The following EPS15 variants were observed in gnomAD, a reference collection of about 807,000 sequenced individuals.
EPS15 encodes the protein epidermal growth factor receptor substrate 15.
EPS15 carries 72 observed loss-of-function variants against 113.8 expected under a neutral mutation model. That is an observed-to-expected ratio of 0.63 (90% CI 0.52 to 0.77). EPS15 has a LOEUF of 0.77. Ranked by LOEUF, EPS15 falls within the 30% of genes least tolerant of loss-of-function variation. EPS15 has a pLI of 0.00. For missense variants in EPS15, 1,048 were observed against 1,045.8 expected, an observed-to-expected ratio of 1.00 and a Z score of -0.03; for synonymous variants, 344 against 363.4, an observed-to-expected ratio of 0.95 and a Z score of 0.61.
Position 51,475,339 on chromosome 1 carries a change from ATC to A in EPS15, c.76-2393_76-2392del, listed in dbSNP as rs199748271. On this transcript the variant is annotated intron_variant, in intron 2 of 24. Coordinates refer to ENST00000371733, the MANE Select transcript of EPS15 (RefSeq NM_001981.3). ...CCTATTTCTCCACATCCTCTCTAAC[ATC>A]TGTTTCCTGACTTTTTAATGATCGC... Among the ~76,000 whole-genome samples, 1,345 of 146,982 alleles carry A rather than the reference ATC, an allele frequency of 9.2e-3. 22 individuals carry two copies. The highest frequency in any genetic ancestry group is 0.032 in the African/African-American group (1,290 of 40,786).
chr1:51,407,351 C>T (rs1348444237), intron 15 of EPS15, among the ~76,000 whole-genome samples: 2 of 152,246 alleles, frequency 1.3e-5, no homozygotes, highest in East Asian at 3.9e-4. Flanking sequence ...GCAGGTACCA[C>T]CATGCCCAGT....
At chr1:51,486,716 T>C (rs1249850317) in intron 1 of EPS15, among the ~76,000 whole-genome samples, 1 of 152,154 alleles carries the variant, frequency 6.6e-6, no homozygotes, top group African/African-American at 2.4e-5. Flanking sequence ...TTTGCTCTTG[T>C]TACCCAGGCT....
At chr1:51,454,682 A>G (rs1283809657) in intron 8 of EPS15, among the ~76,000 whole-genome samples, 1 of 152,200 alleles carries the variant, frequency 6.6e-6, no homozygotes, top group Non-Finnish European at 1.5e-5. Context: ...CATATACCAG[A>G]GAGACTGAAA....
intron 9 of EPS15, among the ~76,000 whole-genome samples, chr1:51,447,435 G>GA (rs1211824446): frequency 2.3e-4 from 35 of 152,148 alleles, no homozygotes; most frequent in Non-Finnish European, 1.5e-5. Flanking sequence ...AAAATACTCA[G>GA]ATAATTCTCA....
intron 1 of EPS15, among the ~76,000 whole-genome samples, chr1:51,492,095 T>C (rs1259605919): frequency 1.3e-5 from 2 of 152,054 alleles, no homozygotes; most frequent in Admixed American, 6.6e-5. Flanking sequence ...GTGATCCACC[T>C]GCCTCGGCCT....
At position 51,356,160 on chromosome 1, in the gene EPS15, A is replaced by G. The variant is rs1247414858; in HGVS notation, c.*540T>C. On this transcript the variant is annotated 3_prime_UTR_variant, in exon 25 of 25. Transcript: ENST00000371733. ...CCATAGTGGAGTAAATCTGTGCAAAATATTTTTCCTTATCTCTGAAAAACA... is the reference window on the plus strand; with the variant it reads ...CCATAGTGGAGTAAATCTGTGCAAAGTATTTTTCCTTATCTCTGAAAAACA... 4.8e-6 allele frequency: 1 copy of G among 209,720 alleles called. No homozygotes were observed. Among genetic ancestry groups the G allele is most frequent in the East Asian group, 7.2e-5 (1 of 13,858 alleles). 13.0% of individuals were successfully genotyped at this position (209,720 alleles called of 1,614,324 possible). A position where few individuals can be genotyped will look rare whatever the true frequency, so the allele number is the denominator to read the frequency against.
rs554329826 is a variant in EPS15 at position 51,499,708 on chromosome 1, TTTC to T, written c.34-18397_34-18395del. Among the ~76,000 whole-genome samples, 37 of 152,098 alleles carry T rather than the reference TTTC, an allele frequency of 2.4e-4. No individual in the cohort carries two copies. The South Asian group carries it at 5.0e-3, about 21-fold the overall frequency. On this transcript the variant is annotated intron_variant, in intron 1 of 24. Transcript: ENST00000371733. The stretch of plus-strand genomic sequence containing the variant: ...CCTAATGACTAATGATGTTGAAAAT[TTTC>T]TTGTGAACTTACTGGCAATTTGCAT...
At chr1:51,370,998 T>C (rs1646635134) in intron 21 of EPS15, among the ~76,000 whole-genome samples, 1 of 152,020 alleles carries the variant, frequency 6.6e-6, no homozygotes, top group African/African-American at 2.4e-5. Context: ...TCACTGCAAC[T>C]TCCACCTCCC....
chr1:51,445,934 C>T (rs527266010), intron 10 of EPS15, among the ~76,000 whole-genome samples: 56 of 152,352 alleles, frequency 3.7e-4, no homozygotes, highest in Admixed American at 9.1e-4. Flanking sequence ...CCCGTGACAA[C>T]TGCCATTTAT....
chr1:51,423,523 C>G, intron 12 of EPS15: 2 of 985,332 alleles, frequency 2.0e-6, no homozygotes, highest in South Asian at 4.7e-5. Context: ...ATCTAGCACC[C>G]TCCCCCCATC....
chr1:51,443,482 G>A (rs918309349), intron 11 of EPS15, among the ~76,000 whole-genome samples: 4 of 150,898 alleles, frequency 2.7e-5, no homozygotes, highest in Non-Finnish European at 5.9e-5. Context: ...ACATCATAAG[G>A]AATCAAAAAA....
At chr1:51,416,493 G>T (rs1650234178) in intron 13 of EPS15, among the ~76,000 whole-genome samples, 1 of 152,158 alleles carries the variant, frequency 6.6e-6, no homozygotes, top group Admixed American at 6.5e-5. Context: ...AGAAATTAAA[G>T]GATATTTGAG....
chr1:51,432,961 C>A (rs1651853123), intron 12 of EPS15, among the ~76,000 whole-genome samples: 1 of 152,154 alleles, frequency 6.6e-6, no homozygotes, highest in Admixed American at 6.5e-5. Context: ...CAAGTTGGAT[C>A]ATAAGCAAAA....
At chr1:51,359,422 G>A (rs1416033206) in intron 24 of EPS15, among the ~76,000 whole-genome samples, 15 of 132,930 alleles carry the variant, frequency 1.1e-4, no homozygotes, top group African/African-American at 4.0e-4. Flanking sequence ...CCAGCCTGGC[G>A]ACAGAGCAAG....
At chr1:51,437,142 A>G (rs922345188) in intron 12 of EPS15, among the ~76,000 whole-genome samples, 1 of 152,176 alleles carries the variant, frequency 6.6e-6, no homozygotes, top group Non-Finnish European at 1.5e-5. Context: ...CCAATGTCTT[A>G]TATTTTCTAC....
chr1:51,471,882 A>C lies in EPS15; in HGVS notation c.166-145T>G, dbSNP rs912042572. The C allele has an allele frequency of 1.3e-5, 9 of 692,280 alleles. No individual in the cohort carries two copies. The Admixed American group carries it at 1.4e-4, about 11-fold the overall frequency. 42.9% of individuals were successfully genotyped at this position (692,280 alleles called of 1,614,324 possible). On this transcript the variant is annotated intron_variant, in intron 3 of 24. Coordinates refer to ENST00000371733, the MANE Select transcript of EPS15 (RefSeq NM_001981.3). ...GAATTAAGAGTGGAAAGAACCCTTA[A>C]AGATCATTTAGTGCAAACTTGTCCA...
chr1:51,387,793 A>C (rs926419350), intron 21 of EPS15, among the ~76,000 whole-genome samples: 1 of 152,230 alleles, frequency 6.6e-6, no homozygotes, highest in African/African-American at 2.4e-5. Context: ...ATATGCACCC[A>C]ATACAGGAGC....
At chr1:51,446,757 T>C (rs1241898643) in intron 10 of EPS15, among the ~76,000 whole-genome samples, 2 of 152,168 alleles carry the variant, frequency 1.3e-5, no homozygotes, top group African/African-American at 4.8e-5. Flanking sequence ...GCCCAGCGGA[T>C]GCTGTCAATC....
chr1:51,493,653 C>T (rs1012613911), intron 1 of EPS15, among the ~76,000 whole-genome samples: 1 of 151,630 alleles, frequency 6.6e-6, no homozygotes, highest in African/African-American at 2.4e-5. Flanking sequence ...GAGTCTCCCT[C>T]TGTCGCCCAG....
Sources: gnomAD v4.1 joint callset for allele counts (sites outside exome capture counted in the v4.1 genomes callset) on GRCh38, gnomAD v4.1.1 for gene constraint, MANE v1.5 for transcripts, NCBI Gene and HGNC (gene_info 2026-07-23, HGNC 2026-07-21) for gene names.